The following GPM6A variants were observed in gnomAD, a reference collection of about 807,000 sequenced individuals.
The protein encoded by GPM6A is neuronal membrane glycoprotein M6-a.
A neutral mutation model predicts 32.1 loss-of-function variants in GPM6A; 7 were observed. The observed-to-expected ratio is 0.22, with a 90% confidence interval of 0.12 to 0.41. The LOEUF (loss-of-function observed/expected upper bound fraction) is 0.41. GPM6A is among the 10% of genes least tolerant of loss of function. The pLI, the probability that GPM6A is intolerant of heterozygous loss-of-function variation, is 1.00. For synonymous variants in GPM6A, 130 were observed against 123.4 expected (o/e 1.05, Z -0.35); for missense variants, 235 against 347.2 (o/e 0.68, Z 2.57).
intron 1 of GPM6A, among the ~76,000 whole-genome samples, chr4:175,976,676 C>T (rs987615517): frequency 3.3e-5 from 5 of 152,082 alleles, no homozygotes; most frequent in Admixed American, 6.5e-5. Flanking sequence ...CACAGATGAA[C>T]GGTCCACTAA....
At chr4:175,685,276 G>A (rs1743916207) in intron 2 of GPM6A, among the ~76,000 whole-genome samples, 1 of 152,122 alleles carries the variant, frequency 6.6e-6, no homozygotes, top group Non-Finnish European at 1.5e-5. Context: ...AGGGTATACT[G>A]AATCTATTCA....
chr4:175,908,946 T>A (rs1320645293), intron 1 of GPM6A, among the ~76,000 whole-genome samples: 3 of 150,068 alleles, frequency 2.0e-5, no homozygotes, highest in African/African-American at 7.3e-5. Context: ...AAGCACACAA[T>A]GATTTTCTGT....
intron 1 of GPM6A, among the ~76,000 whole-genome samples, chr4:175,796,717 G>A (rs1734245162): frequency 6.6e-6 from 1 of 152,054 alleles, no homozygotes; most frequent in South Asian, 2.1e-4. Context: ...TTTACATCTG[G>A]GAATTCTGGA....
intron 1 of GPM6A, among the ~76,000 whole-genome samples, chr4:175,774,133 T>C (rs17658793): frequency 0.02 from 3,068 of 152,218 alleles, 55 homozygotes; most frequent in Non-Finnish European, 0.031. Context: ...CTGTTAATAT[T>C]GCTGTTTTTA....
At chr4:175,820,188 T>G (rs1401087386) in intron 1 of GPM6A, among the ~76,000 whole-genome samples, 1 of 152,206 alleles carries the variant, frequency 6.6e-6, no homozygotes, top group Admixed American at 6.5e-5. Flanking sequence ...TATGCACAGT[T>G]ATTATTCCTT....
chr4:175,914,248 T>C lies in GPM6A; in HGVS notation c.-23+88061A>G, dbSNP rs567746494. Among the ~76,000 whole-genome samples the C allele has an allele frequency of 3.3e-5, 5 of 152,350 alleles. No homozygotes were observed. In the South Asian group the frequency reaches 1.0e-3, roughly 32 times the overall value. On this transcript the variant is annotated intron_variant, in intron 1 of 7. Transcript: ENST00000280187. Reference sequence around the variant, plus strand: ...TTCACTTAATCCTGAATCCACATGCTGCATGTGGAAAGACGGGGTAAAGGA... The same window carrying C: ...TTCACTTAATCCTGAATCCACATGCCGCATGTGGAAAGACGGGGTAAAGGA...
At chr4:175,863,782 C>T (rs1196064334) in intron 1 of GPM6A, among the ~76,000 whole-genome samples, 1 of 152,102 alleles carries the variant, frequency 6.6e-6, no homozygotes, top group African/African-American at 2.4e-5. Flanking sequence ...TGGGAGGACT[C>T]TTCGAGCCCA....
At position 175,890,877 on chromosome 4, in the gene GPM6A, C is replaced by A. The variant is rs112762999; in HGVS notation, c.-22-78628G>T. ...CTCTAAGAATGAACATTTTAAGAAT[C>A]AAATTATTAGAGATCACGCATGCAG... On this transcript the variant is annotated intron_variant, in intron 1 of 7. Coordinates refer to the GPM6A transcript ENST00000280187. 7.2e-5 allele frequency among the ~76,000 whole-genome samples: 11 copies of A among 152,126 alleles called. No individual in the cohort carries two copies. In the East Asian group the frequency reaches 9.7e-4, roughly 13 times the overall value.
intron 1 of GPM6A, among the ~76,000 whole-genome samples, chr4:175,795,584 T>C (rs560383845): frequency 7.2e-5 from 11 of 152,052 alleles, no homozygotes; most frequent in Admixed American, 4.6e-4. Flanking sequence ...ACCCTATCTC[T>C]ACAAAAACTT....
chr4:175,680,659 A>G lies in GPM6A; in HGVS notation c.231-6823T>C, dbSNP rs567456560. On this transcript the variant is annotated intron_variant, in intron 2 of 6. Transcript: ENST00000393658. The stretch of plus-strand genomic sequence containing the variant: ...ACATGCTTCTTAAAGTCAAATCTAT[A>G]CAAAAGACATATCCAGAAAAGTGGC... Among the ~76,000 whole-genome samples, 3 of 152,288 alleles carry G rather than the reference A, an allele frequency of 2.0e-5. No individual in the cohort carries two copies. The South Asian group carries it at 6.2e-4, about 32-fold the overall frequency.
At chr4:175,821,144 A>G (rs1393461592) in intron 1 of GPM6A, among the ~76,000 whole-genome samples, 1 of 152,180 alleles carries the variant, frequency 6.6e-6, no homozygotes, top group East Asian at 1.9e-4. Flanking sequence ...TACGTCTTCT[A>G]TACTTAGTAA....
At chr4:175,770,531 C>T (rs189716537) in intron 1 of GPM6A, among the ~76,000 whole-genome samples, 31 of 152,076 alleles carry the variant, frequency 2.0e-4, no homozygotes, top group African/African-American at 7.5e-4. Flanking sequence ...TTGATCTGCC[C>T]GTTGCTTGAC....
intron 2 of GPM6A, among the ~76,000 whole-genome samples, chr4:175,683,432 G>A (rs1198739551): frequency 1.4e-4 from 21 of 152,162 alleles, no homozygotes; most frequent in Admixed American, 1.4e-3. Flanking sequence ...GACTTTGGGT[G>A]ACTGTTGGGA....
chr4:175,723,194 G>A (rs1746235833), intron 1 of GPM6A, among the ~76,000 whole-genome samples: 1 of 152,118 alleles, frequency 6.6e-6, no homozygotes, highest in Non-Finnish European at 1.5e-5. Flanking sequence ...CACAAGACCT[G>A]GAGTAATTTG....
intron 1 of GPM6A, among the ~76,000 whole-genome samples, chr4:175,823,333 G>A (rs1193863334): frequency 6.6e-6 from 1 of 152,200 alleles, no homozygotes; most frequent in Non-Finnish European, 1.5e-5. Context: ...TATCTGAAAA[G>A]TGGATGATTT....
At chr4:175,711,407 C>CA (rs1293574332) in intron 1 of GPM6A, among the ~76,000 whole-genome samples, 1 of 42,922 alleles carries the variant, frequency 2.3e-5, no homozygotes, top group African/African-American at 1.2e-4. Context: ...ACTGGCACAC[C>CA]AAATATATAT....
chr4:175,701,270 G>C (rs1744860047), intron 2 of GPM6A, among the ~76,000 whole-genome samples: 1 of 152,176 alleles, frequency 6.6e-6, no homozygotes, highest in Non-Finnish European at 1.5e-5. Flanking sequence ...AACAGCCTCT[G>C]TTCAAATGAG....
intron 3 of GPM6A, among the ~76,000 whole-genome samples, chr4:175,661,642 C>T (rs980161834): frequency 1.2e-4 from 18 of 152,082 alleles, no homozygotes; most frequent in African/African-American, 1.9e-4. Context: ...CAGAAAGTTG[C>T]GCAAGACCAG....
intron 1 of GPM6A, among the ~76,000 whole-genome samples, chr4:175,870,371 T>C (rs1475770432): frequency 6.6e-6 from 1 of 152,198 alleles, no homozygotes; most frequent in African/African-American, 2.4e-5. Flanking sequence ...TTCAGCATCT[T>C]AGGCTACCTT....
Sources: gnomAD v4.1 joint callset for allele counts (sites outside exome capture counted in the v4.1 genomes callset) on GRCh38, gnomAD v4.1.1 for gene constraint, MANE v1.5 for transcripts, NCBI Gene and HGNC (gene_info 2026-07-23, HGNC 2026-07-21) for gene names.